Variants in SLC12A6 observed in about 807,000 individuals in gnomAD.
SLC12A6 encodes the protein K-Cl cotransporter 3.
A neutral mutation model predicts 135.3 loss-of-function variants in SLC12A6; 66 were observed. That is an observed-to-expected ratio of 0.49 (90% confidence interval 0.40 to 0.60). SLC12A6 has a LOEUF of 0.60. Among genes scored for constraint, SLC12A6 ranks in the 20% least tolerant of loss-of-function variants. The pLI is 0.00. For missense variants in SLC12A6, 1,058 were observed against 1,452.3 expected (o/e 0.73, Z 4.41); for synonymous variants, 513 against 508.8 (o/e 1.01, Z -0.11).
chr15:34,255,508 G>A (rs1313143166), intron 7 of SLC12A6, 116 bp from the exon 8 acceptor site: 2 of 771,070 alleles, frequency 2.6e-6, no homozygotes, highest in Admixed American at 2.1e-5. Flanking sequence ...TCAGGCTTCT[G>A]CAAACCCTCA....
In SLC12A6 at chr15:34,298,464, G is replaced by A. The variant is rs377175923; in HGVS notation, c.272-23075C>T. Among the ~76,000 whole-genome samples the A allele has an allele frequency of 2.8e-3, 420 of 150,498 alleles. 3 individuals are homozygous for A. The highest frequency in any genetic ancestry group is 0.011 in the South Asian group (50 of 4,686). On this transcript the variant is annotated intron_variant, in intron 2 of 25. Transcript: ENST00000354181. The stretch of plus-strand genomic sequence containing the variant: ...CACTCCAGCCTAGGCGACAGAGTGA[G>A]ACTCTGTCTCAAAATAAATAAATAA...
At chr15:34,246,434 C>T (rs898914595) in intron 13 of SLC12A6, among the ~76,000 whole-genome samples, 2 of 152,036 alleles carry the variant, frequency 1.3e-5, no homozygotes, top group Non-Finnish European at 2.9e-5. Flanking sequence ...AGAAAAATCG[C>T]GATCTCACTG....
intron 2 of SLC12A6, among the ~76,000 whole-genome samples, chr15:34,310,725 G>GT (rs1381869537): frequency 8.2e-6 from 1 of 121,642 alleles, no homozygotes; most frequent in African/African-American, 3.9e-5. Flanking sequence ...GTGTGTGTGT[G>GT]TGTGTGTCCC....
At chr15:34,291,320 T>C (rs1157159662) in intron 2 of SLC12A6, among the ~76,000 whole-genome samples, 1 of 152,232 alleles carries the variant, frequency 6.6e-6, no homozygotes, top group Non-Finnish European at 1.5e-5. Flanking sequence ...CCCACTCTCT[T>C]CTGGCTTGTA....
chr15:34,264,296 C>T (rs75822265), intron 3 of SLC12A6, among the ~76,000 whole-genome samples: 4,169 of 152,284 alleles, frequency 0.027, 194 homozygotes, highest in African/African-American at 0.095. Context: ...TATGACAACA[C>T]AATCTCCTGT....
At chr15:34,234,341 C>T (rs1255119852) in intron 25 of SLC12A6, among the ~76,000 whole-genome samples, 3 of 152,018 alleles carry the variant, frequency 2.0e-5, no homozygotes, top group Non-Finnish European at 4.4e-5. Context: ...TCTGCCAGTT[C>T]GGTTTGTCTT....
intron 2 of SLC12A6, among the ~76,000 whole-genome samples, chr15:34,308,155 C>T (rs962495071): frequency 6.6e-6 from 1 of 152,150 alleles, no homozygotes; most frequent in African/African-American, 2.4e-5. Context: ...AATTATTTCA[C>T]TTGCTCCATA....
intron 2 of SLC12A6, among the ~76,000 whole-genome samples, chr15:34,293,965 T>C (rs773702485): frequency 3.3e-5 from 5 of 152,180 alleles, no homozygotes; most frequent in African/African-American, 4.8e-5. Context: ...CAAAAATGGC[T>C]CACACATTAA....
intron 20 of SLC12A6, 83 bp from the exon 21 acceptor site, chr15:34,238,484 T>G (rs1891427193): frequency 9.6e-7 from 1 of 1,046,258 alleles, no homozygotes; most frequent in Non-Finnish European, 1.5e-6. Context: ...GGAAATGCTC[T>G]TTTCACACTT....
At chr15:34,258,144 T>G (rs982199363) in intron 5 of SLC12A6, among the ~76,000 whole-genome samples, 2 of 152,254 alleles carry the variant, frequency 1.3e-5, no homozygotes, top group Non-Finnish European at 2.9e-5. Context: ...TTGATGGAAT[T>G]TCTTCAGAAT....
chr15:34,266,640 C>G (rs1288289408), intron 3 of SLC12A6, among the ~76,000 whole-genome samples: 1 of 152,084 alleles, frequency 6.6e-6, no homozygotes, highest in African/African-American at 2.4e-5. Context: ...TGAGGTTTTG[C>G]TATGTTGCCT....
At position 34,302,446 on chromosome 15, in the gene SLC12A6, G is replaced by C. The variant is rs138071980; in HGVS notation, c.272-27057C>G. On this transcript the variant is annotated intron_variant, in intron 2 of 25. Transcript: ENST00000354181. ...TGTGGTGGCTCATGCCTGCAATCCT[G>C]ACACTTTGGGAGGCCGAGGCGGGTG... Among the ~76,000 whole-genome samples, 85 of 152,028 alleles carry C rather than the reference G, an allele frequency of 5.6e-4. 1 individual carries two copies. The East Asian group carries it at 0.016, about 28-fold the overall frequency.
At chr15:34,304,212 A>G (rs1209306701) in intron 2 of SLC12A6, among the ~76,000 whole-genome samples, 3 of 152,172 alleles carry the variant, frequency 2.0e-5, no homozygotes, top group Non-Finnish European at 2.9e-5. Context: ...CTTAACTTGC[A>G]TTTTCAAGCT....
chr15:34,306,059 C>T (rs1486852702), intron 2 of SLC12A6, among the ~76,000 whole-genome samples: 2 of 151,026 alleles, frequency 1.3e-5, no homozygotes, highest in African/African-American at 2.4e-5. Flanking sequence ...CCGTGCCCAG[C>T]CTCCTCCAGC....
chr15:34,254,130 G>A (rs1358735512), intron 9 of SLC12A6, among the ~76,000 whole-genome samples: 2 of 152,220 alleles, frequency 1.3e-5, no homozygotes, highest in Admixed American at 6.5e-5. Context: ...GATGGTTACA[G>A]CTACTAGTTC....
chr15:34,291,856 C>T (rs893641261), intron 2 of SLC12A6, among the ~76,000 whole-genome samples: 1 of 152,084 alleles, frequency 6.6e-6, no homozygotes, highest in East Asian at 1.9e-4. Flanking sequence ...CTCTTCTCTA[C>T]ACTGGTTATT....
At chr15:34,248,570 A>ACACACACC (rs1555379217) in intron 13 of SLC12A6, among the ~76,000 whole-genome samples, 1 of 13,148 alleles carries the variant, frequency 7.6e-5, no homozygotes, top group Non-Finnish European at 2.2e-4. Context: ...ACCCCCACCC[A>ACACACACC]CACACACACA....
chr15:34,269,188 A>C (rs1296932305), intron 3 of SLC12A6, among the ~76,000 whole-genome samples: 1 of 151,342 alleles, frequency 6.6e-6, no homozygotes, highest in Non-Finnish European at 1.5e-5. Context: ...TCATTTTACT[A>C]TCTAAATAAT....
chr15:34,256,933 T>G (rs1345327742), intron 6 of SLC12A6, among the ~76,000 whole-genome samples: 1 of 152,178 alleles, frequency 6.6e-6, no homozygotes, highest in Non-Finnish European at 1.5e-5. Flanking sequence ...AAACACAGCC[T>G]TGAGGTTTTA....
Sources: allele counts gnomAD v4.1 joint callset (sites outside exome capture counted in the v4.1 genomes callset), GRCh38; gene constraint gnomAD v4.1.1; transcripts MANE v1.5; gene names NCBI Gene and HGNC (gene_info 2026-07-23, HGNC 2026-07-21).